POU6F1: variants seen among roughly 807,000 people sequenced by gnomAD.
POU6F1 encodes POU class 6 homeobox 1, also known as POU domain, class 6, transcription factor 1.
POU6F1 carries 9 observed loss-of-function variants against 28.9 expected under a neutral mutation model. That is an observed-to-expected ratio of 0.31 (90% CI 0.19 to 0.54). POU6F1 has a LOEUF of 0.54. Ranked by LOEUF, POU6F1 falls within the 20% of genes least tolerant of loss-of-function variation. The pLI, the probability that POU6F1 is intolerant of heterozygous loss-of-function variation, is 0.94. For missense variants in POU6F1, 338 were observed against 426.1 expected (o/e 0.79, Z 1.82); for synonymous variants, 173 against 171.1 (o/e 1.01, Z -0.09).
At position 51,187,041 on chromosome 12, in the gene POU6F1, G is replaced by A. The variant is rs924421892; in HGVS notation, c.*3206C>T. ...CCAGCCCTCAGGAAGCTTTGTCTGT[G>A]TTGGGAACAGTGAGAACCTCAGTGC... is the stretch of plus-strand genomic sequence containing the variant. On this transcript the variant is annotated 3_prime_UTR_variant, in exon 11 of 11. Coordinates refer to ENST00000333640, the MANE Select transcript of POU6F1 (RefSeq NM_001330422.2). 6.6e-6 allele frequency: 1 copy of A among 152,226 alleles called. No homozygotes were observed. The highest frequency in any genetic ancestry group is 1.5e-5 in the Non-Finnish European group (1 of 68,068). The allele number at this position is 152,226 out of a possible 1,614,324, so 9.4% of individuals were successfully genotyped here. A position where few individuals can be genotyped will look rare whatever the true frequency, so the allele number is the denominator to read the frequency against.
At chr12:51,206,084 G>T (rs1943592391) in intron 2 of POU6F1, among the ~76,000 whole-genome samples, 1 of 148,462 alleles carries the variant, frequency 6.7e-6, no homozygotes, top group South Asian at 2.2e-4. Flanking sequence ...CTCCCAAAGT[G>T]CTGGGATTAT....
Position 51,188,256 on chromosome 12 carries a change from C to A in POU6F1, c.*1991G>T, listed in dbSNP as rs1442719532. 1.3e-5 allele frequency: 2 copies of A among 152,224 alleles called. No individual in the cohort carries two copies. Among genetic ancestry groups the A allele is most frequent in the African/African-American group, 2.4e-5 (1 of 41,444 alleles). 9.4% of individuals were successfully genotyped at this position (152,224 alleles called of 1,614,324 possible). A position where few individuals can be genotyped will look rare whatever the true frequency, so the allele number is the denominator to read the frequency against. The stretch of plus-strand genomic sequence containing the variant: ...TTTACTGAAGTGTCAGTCACTGAAT[C>A]CTTTACAAGCTCTGGAACTTAACTA... On this transcript the variant is annotated 3_prime_UTR_variant, in exon 11 of 11. Transcript: ENST00000333640.
At position 51,190,937 on chromosome 12, in the gene POU6F1, C is replaced by T. The variant is rs1294582724; in HGVS notation, c.1491-345G>A. Among the ~76,000 whole-genome samples, 3 of 152,146 alleles carry T rather than the reference C, an allele frequency of 2.0e-5. No individual in the cohort carries two copies. Among genetic ancestry groups the T allele is most frequent in the Non-Finnish European group, 4.4e-5 (3 of 68,026 alleles). On this transcript the variant is annotated intron_variant, in intron 10 of 10. Transcript: ENST00000333640. This position sits in a 1 kb window ranked among gnomAD's most constrained non-coding sequence, Gnocchi z 4.5. ...TTGAGGAGTCACCTTGGGAGGCCTC[C>T]AGTCACACTCCCATAGCAGCATCAC...
intron 10 of POU6F1, among the ~76,000 whole-genome samples, chr12:51,191,121 T>A (rs1390422656): frequency 6.6e-6 from 1 of 152,204 alleles, no homozygotes; most frequent in Non-Finnish European, 1.5e-5. Context: ...TATTCTTGTT[T>A]GAAACTCTAT....
intron 3 of POU6F1, among the ~76,000 whole-genome samples, chr12:51,200,813 A>G (rs1020312260): frequency 6.6e-6 from 1 of 151,912 alleles, no homozygotes; most frequent in Admixed American, 6.6e-5. Context: ...TCAGCCTCCC[A>G]AGCAGTTGAG....
At chr12:51,197,578 C>A (rs965982125) in intron 6 of POU6F1, among the ~76,000 whole-genome samples, 192 bp downstream of exon 6, 1 of 152,194 alleles carries the variant, frequency 6.6e-6, no homozygotes, top group Non-Finnish European at 1.5e-5. Context: ...CAGAGGTTGT[C>A]TGCTTTTATC....
At chr12:51,196,693 T>C in intron 7 of POU6F1, 106 bp downstream of exon 7, 1 of 1,363,110 alleles carries the variant, frequency 7.3e-7, no homozygotes, top group Non-Finnish European at 1.0e-6. Context: ...AACAACAGCT[T>C]GACGTCTGTT....
rs145443725 is a variant in POU6F1, at chr12:51,189,633, G to A, written c.*614C>T. On this transcript the variant is annotated 3_prime_UTR_variant, in exon 11 of 11. Transcript: ENST00000333640. ...GAGATCCCATGTTCCAGCCCCAGGG[G>A]TTTGGGAACCTTCTGACCTTGAGGT... The A allele has an allele frequency of 5.5e-3, 847 of 153,466 alleles. 22 individuals are homozygous for A. The highest frequency in any genetic ancestry group is 0.039 in the East Asian group (201 of 5,192). The allele number at this position is 153,466 out of a possible 1,614,324, so 9.5% of individuals were successfully genotyped here.
intron 8 of POU6F1, among the ~76,000 whole-genome samples, chr12:51,194,822 C>T (rs1377881570): frequency 6.6e-6 from 1 of 152,098 alleles, no homozygotes; most frequent in Non-Finnish European, 1.5e-5. Flanking sequence ...GCATTCATAA[C>T]CTTCTGAAGT....
At position 51,188,195 on chromosome 12, in the gene POU6F1, T is replaced by G. The variant is rs1361224300; in HGVS notation, c.*2052A>C. 1 of 152,254 alleles carries G rather than the reference T, an allele frequency of 6.6e-6. No homozygotes were observed. The highest frequency in any genetic ancestry group is 1.9e-4 in the East Asian group (1 of 5,198). The allele number at this position is 152,254 out of a possible 1,614,324, so 9.4% of individuals were successfully genotyped here. Reference sequence around the variant, plus strand: ...CGCCCACCTCGGCCTTCCAAAGTGTTGGAATTACAGGCATAAGCCAATGTG... The same window carrying G: ...CGCCCACCTCGGCCTTCCAAAGTGTGGGAATTACAGGCATAAGCCAATGTG... On this transcript the variant is annotated 3_prime_UTR_variant, in exon 11 of 11. Transcript: ENST00000333640.
intron 3 of POU6F1, among the ~76,000 whole-genome samples, chr12:51,200,597 G>A (rs1943146965): frequency 6.6e-6 from 1 of 152,164 alleles, no homozygotes; most frequent in Non-Finnish European, 1.5e-5. Context: ...CATACAACGA[G>A]GAGAAGGGTT....
chr12:51,206,355 G>A (rs1233865303), intron 2 of POU6F1, among the ~76,000 whole-genome samples: 5 of 151,176 alleles, frequency 3.3e-5, no homozygotes, highest in East Asian at 4.0e-4. Flanking sequence ...CCCGGGAGGC[G>A]GAGCTTGCAG....
In POU6F1 at chr12:51,217,931, T is replaced by TG. The variant is rs973198816; in HGVS notation, c.-338dup. On this transcript the variant is annotated 5_prime_UTR_variant, in exon 1 of 11. Transcript: ENST00000333640. The surrounding 1 kb of genome is among the most constrained non-coding windows in gnomAD (Gnocchi z 5.3). ...CGGGAAGCGGGAAGGGGAAGCCGGG[T>TG]GGGGGGGCGGTCAGGTATATATTTT... 8.6e-5 allele frequency among the ~76,000 whole-genome samples: 13 copies of TG among 150,998 alleles called. No homozygotes were observed. Among genetic ancestry groups the TG allele is most frequent in the Admixed American group, 6.6e-5 (1 of 15,212 alleles).
At chr12:51,196,291 G>A in intron 7 of POU6F1, 118 bp from the exon 8 acceptor site, 1 of 843,950 alleles carries the variant, frequency 1.2e-6, no homozygotes. Flanking sequence ...AACCTGCTCT[G>A]GCCTCAGCTT....
chr12:51,191,658 G>C lies in POU6F1; in HGVS notation c.1428C>G (p.Thr476=). The part of the protein sequence containing the change: ...IRRLSLGLTQ[T]QVGQALTATE... ...TTGCAGTCAGAGCCTGACCCACCTGGGTCTGTGTAAGGCCCAGCGAGAGCC... is the reference window on the plus strand; with the variant it reads ...TTGCAGTCAGAGCCTGACCCACCTGCGTCTGTGTAAGGCCCAGCGAGAGCC... Residue 476 remains threonine, a synonymous_variant, in exon 10 of 11, where the codon ACC becomes ACG. Coordinates refer to ENST00000333640, the MANE Select transcript of POU6F1 (RefSeq NM_001330422.2). The C allele has an allele frequency of 1.2e-6, 2 of 1,614,116 alleles. No homozygotes were observed. Among genetic ancestry groups the C allele is most frequent in the African/African-American group, 2.7e-5 (2 of 75,028 alleles).
At chr12:51,195,405 G>A (rs1319336804) in intron 8 of POU6F1, among the ~76,000 whole-genome samples, 1 of 152,134 alleles carries the variant, frequency 6.6e-6, no homozygotes, top group African/African-American at 2.4e-5. Context: ...TTATTTGTGT[G>A]TCCCTGTGAT....
chr12:51,196,116 C>A lies in POU6F1; in HGVS notation c.1033G>T (p.Ala345Ser). The change falls in exon 8 of 11, where the codon GCC becomes TCC. Residue 345 changes from alanine to serine, a missense_variant. Ala to Ser is a moderately conservative substitution (Grantham distance 99, BLOSUM62 1). Around this residue, in one of 3 missense-constraint regions of POU6F1, gnomAD observed 206 missense variants for 225.6 expected, o/e 0.91. Transcript: ENST00000333640. Reference protein sequence around the residue: ...NSASVAAPAPAQSLQVQAVTP... With the variant: ...NSASVAAPAPSQSLQVQAVTP... Reference sequence around the variant, plus strand: ...ACGGCCTGGACCTGCAGGCTTTGGGCTGGTGCTGGGGCCGCCACACTAGCT... The same window carrying A: ...ACGGCCTGGACCTGCAGGCTTTGGGATGGTGCTGGGGCCGCCACACTAGCT... The A allele has an allele frequency of 6.3e-7, 1 of 1,587,442 alleles. No individual in the cohort carries two copies.
rs563258828 is a variant in POU6F1, at chr12:51,187,163, C to T, written c.*3084G>A. On this transcript the variant is annotated 3_prime_UTR_variant, in exon 11 of 11. Transcript: ENST00000333640. The stretch of plus-strand genomic sequence containing the variant: ...ATGTCAGAGTCTCGCATTCCAAACT[C>T]GTGTGTTCCTTAGTCCATTTGGCTG... 5.3e-5 allele frequency: 8 copies of T among 152,278 alleles called. No individual in the cohort carries two copies. The highest frequency in any genetic ancestry group is 4.1e-4 in the South Asian group (2 of 4,830). The allele number at this position is 152,278 out of a possible 1,614,324, so 9.4% of individuals were successfully genotyped here. A position where few individuals can be genotyped will look rare whatever the true frequency, so the allele number is the denominator to read the frequency against.
intron 8 of POU6F1, among the ~76,000 whole-genome samples, chr12:51,193,523 C>T (rs976497072): frequency 2.0e-5 from 3 of 151,910 alleles, no homozygotes; most frequent in Admixed American, 2.0e-4. Flanking sequence ...TTGCAGTAAG[C>T]CGAGAGATCA....
Sources: allele counts gnomAD v4.1 joint callset (sites outside exome capture counted in the v4.1 genomes callset), GRCh38; gene constraint gnomAD v4.1.1; regional missense constraint gnomAD v4.1.1; non-coding constraint Gnocchi (gnomAD v3.1); transcripts MANE v1.5; gene names NCBI Gene and HGNC (gene_info 2026-07-23, HGNC 2026-07-21).